The following LRRTM4 variants were observed in gnomAD, a reference collection of about 807,000 sequenced individuals.
The protein encoded by LRRTM4 is leucine rich repeat transmembrane neuronal 4, also known as leucine-rich repeat transmembrane neuronal protein 4.
Under a neutral mutation model 47.6 loss-of-function variants are expected in LRRTM4, and 25 were observed. The ratio of observed to expected loss-of-function variants is 0.53; its 90% confidence interval spans 0.38 to 0.73. The LOEUF is 0.73. Ranked by LOEUF, LRRTM4 falls within the 30% of genes least tolerant of loss-of-function variation. The probability of loss-of-function intolerance (pLI) is 0.00; values close to 1 mark genes in which losing one functional copy is unlikely to be tolerated. For synonymous variants in LRRTM4, 311 were observed against 269.5 expected, an observed-to-expected ratio of 1.15 and a Z score of -1.51; for missense variants, 638 against 713.4, an observed-to-expected ratio of 0.89 and a Z score of 1.20.
At chr2:76,781,106 C>G (rs1401694371) in intron 3 of LRRTM4, among the ~76,000 whole-genome samples, 1 of 152,236 alleles carries the variant, frequency 6.6e-6, no homozygotes, top group Admixed American at 6.5e-5. Context: ...GGCAGTCTGC[C>G]CATTCTCAGA....
chr2:77,113,894 T>C (rs912456019), intron 3 of LRRTM4, among the ~76,000 whole-genome samples: 4 of 152,050 alleles, frequency 2.6e-5, no homozygotes, highest in African/African-American at 4.8e-5. Context: ...AATTAGCATA[T>C]ATATGGCCCA....
At chr2:77,202,695 T>A (rs1674010746) in intron 3 of LRRTM4, among the ~76,000 whole-genome samples, 1 of 152,090 alleles carries the variant, frequency 6.6e-6, no homozygotes, top group Non-Finnish European at 1.5e-5. Context: ...TTATGTCAGC[T>A]TTTTGTATAA....
chr2:76,960,671 A>G (rs17013453), intron 3 of LRRTM4, among the ~76,000 whole-genome samples: 8,021 of 151,602 alleles, frequency 0.053, 482 homozygotes, highest in East Asian at 0.14. Context: ...TGGTATAAAA[A>G]TTAAAGGGAC....
intron 3 of LRRTM4, among the ~76,000 whole-genome samples, chr2:76,900,372 A>T (rs1573281051): frequency 6.6e-6 from 1 of 151,732 alleles, no homozygotes; most frequent in East Asian, 2.0e-4. Context: ...AATATGTATC[A>T]AAGGTTTCAA....
At chr2:77,251,167 ATGTGTG>A (rs1184888941) in intron 3 of LRRTM4, among the ~76,000 whole-genome samples, 1 of 34,362 alleles carries the variant, frequency 2.9e-5, no homozygotes, top group Non-Finnish European at 7.3e-5. Context: ...ATACATATAT[ATGTGTG>A]TGTGTGTATA....
At chr2:77,278,724 C>A (rs565791195) in intron 3 of LRRTM4, among the ~76,000 whole-genome samples, 1 of 152,036 alleles carries the variant, frequency 6.6e-6, no homozygotes, top group Non-Finnish European at 1.5e-5. Context: ...TCACTCACAA[C>A]ATCTTACTTT....
chr2:77,259,216 T>C (rs1282439054), intron 3 of LRRTM4, among the ~76,000 whole-genome samples: 1 of 152,084 alleles, frequency 6.6e-6, no homozygotes. Flanking sequence ...ATGTGAATTC[T>C]GACTCTTCCA....
chr2:77,464,432 A>T (rs1676905984), intron 3 of LRRTM4, among the ~76,000 whole-genome samples: 1 of 152,148 alleles, frequency 6.6e-6, no homozygotes, highest in Admixed American at 6.6e-5. Context: ...AAAGTAATTT[A>T]TATATATAAT....
Position 76,943,861 on chromosome 2 carries a change from C to T in LRRTM4, c.1552-194945G>A, listed in dbSNP as rs559760526. 1.4e-4 allele frequency among the ~76,000 whole-genome samples: 22 copies of T among 152,306 alleles called. No homozygotes were observed. The South Asian group carries it at 2.3e-3, about 16-fold the overall frequency. ...TTCTTTGTTTGCACCCAGTTCCACA[C>T]CAAAAGTTCCACATATTCTCTTACT... On this transcript the variant is annotated intron_variant, in intron 3 of 3. Coordinates refer to ENST00000409884, the MANE Select transcript of LRRTM4 (RefSeq NM_001134745.3).
At position 76,916,384 on chromosome 2, in the gene LRRTM4, C is replaced by CAAAAAAAAAAAA. The variant is rs57874749; in HGVS notation, c.1552-167480_1552-167469dup. On this transcript the variant is annotated intron_variant, in intron 3 of 3. Transcript: ENST00000409884. ...TGGGCGACAGAGCGAGACTGTGTCT[C>CAAAAAAAAAAAA]AAAAAAAAAAAAAAAAAAAAAAAGA... 4.9e-3 allele frequency among the ~76,000 whole-genome samples: 263 copies of CAAAAAAAAAAAA among 53,364 alleles called. 1 individual carries two copies. Among genetic ancestry groups the CAAAAAAAAAAAA allele is most frequent in the Middle Eastern group, 0.012 (1 of 82 alleles). The allele number at this position is 53,364 out of a possible 152,430, so 35.0% of individuals were successfully genotyped here.
At chr2:77,217,384 TATTA>T (rs1674481121) in intron 3 of LRRTM4, among the ~76,000 whole-genome samples, 1 of 122,148 alleles carries the variant, frequency 8.2e-6, no homozygotes, top group Non-Finnish European at 1.6e-5. Context: ...AATTTAATTA[TATTA>T]ATTAATTATA....
At chr2:76,759,517 G>T (rs1033830639) in intron 3 of LRRTM4, among the ~76,000 whole-genome samples, 1 of 152,098 alleles carries the variant, frequency 6.6e-6, no homozygotes, top group African/African-American at 2.4e-5. Context: ...ACCTGCCCCT[G>T]GGTGTATGAT....
intron 3 of LRRTM4, among the ~76,000 whole-genome samples, chr2:76,818,052 A>G (rs1278080850): frequency 6.6e-6 from 1 of 152,028 alleles, no homozygotes; most frequent in Non-Finnish European, 1.5e-5. Flanking sequence ...AGATGGCAAT[A>G]GAAGCATGGC....
chr2:77,501,770 A>T (rs903563897), intron 3 of LRRTM4, among the ~76,000 whole-genome samples: 1 of 151,382 alleles, frequency 6.6e-6, no homozygotes, highest in Non-Finnish European at 1.5e-5. Context: ...AAAACCTATT[A>T]TAAGTTAATA....
intron 3 of LRRTM4, among the ~76,000 whole-genome samples, chr2:76,984,151 A>G (rs1222596554): frequency 6.6e-6 from 1 of 151,802 alleles, no homozygotes; most frequent in Non-Finnish European, 1.5e-5. Flanking sequence ...TAGACACACA[A>G]AACAGAAGAA....
intron 3 of LRRTM4, among the ~76,000 whole-genome samples, chr2:76,852,215 C>CTT (rs1322538493): frequency 1.3e-5 from 2 of 152,120 alleles, no homozygotes. Context: ...ACCTAGTAGT[C>CTT]TTCCACAACT....
At chr2:76,894,329 C>A (rs1673343370) in intron 3 of LRRTM4, among the ~76,000 whole-genome samples, 1 of 152,008 alleles carries the variant, frequency 6.6e-6, no homozygotes, top group South Asian at 2.1e-4. Flanking sequence ...ATAGTAGGTC[C>A]CCTTGGACCA....
At chr2:76,908,363 A>C (rs926590634) in intron 3 of LRRTM4, among the ~76,000 whole-genome samples, 2 of 152,024 alleles carry the variant, frequency 1.3e-5, no homozygotes, top group Non-Finnish European at 2.9e-5. Flanking sequence ...AGAGCTATCT[A>C]TGACAAACCC....
intron 3 of LRRTM4, among the ~76,000 whole-genome samples, chr2:77,152,889 C>G (rs1479590924): frequency 2.0e-5 from 3 of 152,110 alleles, no homozygotes; most frequent in Non-Finnish European, 4.4e-5. Flanking sequence ...ATATTTAAAT[C>G]AAGCTAGTTA....
Sources: gnomAD v4.1 joint callset for allele counts (sites outside exome capture counted in the v4.1 genomes callset) on GRCh38, gnomAD v4.1.1 for gene constraint, MANE v1.5 for transcripts, NCBI Gene and HGNC (gene_info 2026-07-23, HGNC 2026-07-21) for gene names.